The following PCDH7 variants were observed in gnomAD, a reference collection of about 807,000 sequenced individuals.
The protein encoded by PCDH7 is protocadherin-7.
In PCDH7, 17 loss-of-function variants were observed where a neutral mutation model predicts 58.9. That is an observed-to-expected ratio of 0.29 (90% CI 0.20 to 0.43). The LOEUF is 0.43. PCDH7 is among the 20% of genes least tolerant of loss of function. The probability of loss-of-function intolerance (pLI) is 1.00; values close to 1 mark genes in which losing one functional copy is unlikely to be tolerated. For synonymous variants in PCDH7, 664 were observed against 616.4 expected, an observed-to-expected ratio of 1.08 and a Z score of -1.14; for missense variants, 1,274 against 1,441.0, an observed-to-expected ratio of 0.88 and a Z score of 1.88.
intron 3 of PCDH7, among the ~76,000 whole-genome samples, chr4:30,968,998 A>G (rs141769437): frequency 6.6e-6 from 1 of 152,300 alleles, no homozygotes; most frequent in Non-Finnish European, 1.5e-5. Flanking sequence ...TAAAATTGTA[A>G]TCTTTTCTTC....
At chr4:30,887,577 A>G (rs915733904) in intron 1 of PCDH7, among the ~76,000 whole-genome samples, 6 of 152,198 alleles carry the variant, frequency 3.9e-5, no homozygotes, top group Non-Finnish European at 7.3e-5. Context: ...ATACATAAAA[A>G]ATACATTTCT....
chr4:30,993,949 G>A (rs1244126986), intron 3 of PCDH7, among the ~76,000 whole-genome samples: 1 of 151,810 alleles, frequency 6.6e-6, no homozygotes, highest in Non-Finnish European at 1.5e-5. Context: ...ACCAGAAAGG[G>A]AAAAAAATGC....
chr4:30,870,128 ATTGT>A (rs1383315173), intron 1 of PCDH7, among the ~76,000 whole-genome samples: 3 of 150,262 alleles, frequency 2.0e-5, no homozygotes, highest in Admixed American at 6.6e-5. Flanking sequence ...TTTTGAAGGG[ATTGT>A]TTGTTTTTTT....
intron 1 of PCDH7, among the ~76,000 whole-genome samples, chr4:30,881,699 C>T (rs922366842): frequency 6.6e-6 from 1 of 151,990 alleles, no homozygotes; most frequent in Non-Finnish European, 1.5e-5. Flanking sequence ...AATAAGACAC[C>T]ATCTGCTGCT....
intron 2 of PCDH7, among the ~76,000 whole-genome samples, chr4:30,942,640 T>A (rs1025509858): frequency 5.9e-5 from 9 of 152,056 alleles, no homozygotes; most frequent in African/African-American, 1.9e-4. Flanking sequence ...CTTAAAAAAA[T>A]TATTTTCTAG....
intron 3 of PCDH7, among the ~76,000 whole-genome samples, chr4:31,111,635 A>C (rs888208352): frequency 1.3e-5 from 2 of 152,320 alleles, no homozygotes; most frequent in Admixed American, 6.5e-5. Context: ...AACAACACTC[A>C]GAGGTACGGA....
intron 3 of PCDH7, among the ~76,000 whole-genome samples, chr4:31,014,704 T>C (rs1266604490): frequency 6.6e-6 from 1 of 152,246 alleles, no homozygotes; most frequent in Non-Finnish European, 1.5e-5. Context: ...ATATGTAATG[T>C]ATTCTATAAA....
chr4:30,813,382 C>A (rs1005269884), intron 1 of PCDH7, among the ~76,000 whole-genome samples: 4 of 152,102 alleles, frequency 2.6e-5, no homozygotes, highest in African/African-American at 9.7e-5. Flanking sequence ...TCTCCGGATC[C>A]TCCAAAATAA....
chr4:30,766,053 C>T (rs4380480), intron 1 of PCDH7, among the ~76,000 whole-genome samples: 83,378 of 151,076 alleles, frequency 0.55, 23,959 homozygotes, highest in African/African-American at 0.72. Context: ...TTAGATAAGA[C>T]GTCACAGGAA....
At chr4:30,986,694 C>A (rs1750996497) in intron 3 of PCDH7, among the ~76,000 whole-genome samples, 1 of 151,810 alleles carries the variant, frequency 6.6e-6, no homozygotes, top group African/African-American at 2.4e-5. Flanking sequence ...TTGAAAATGT[C>A]TTTATTGGCC....
At chr4:30,949,501 T>G (rs963892939) in intron 2 of PCDH7, among the ~76,000 whole-genome samples, 1 of 152,122 alleles carries the variant, frequency 6.6e-6, no homozygotes, top group African/African-American at 2.4e-5. Context: ...GTATACATAG[T>G]CCAGATTAAA....
At chr4:30,942,990 T>A (rs1746238015) in intron 2 of PCDH7, among the ~76,000 whole-genome samples, 1 of 152,010 alleles carries the variant, frequency 6.6e-6, no homozygotes, top group Non-Finnish European at 1.5e-5. Context: ...TACAGTTTGT[T>A]TTTCCTTTTT....
intron 1 of PCDH7, among the ~76,000 whole-genome samples, chr4:30,781,194 G>A (rs1180595604): frequency 6.6e-6 from 1 of 151,752 alleles, no homozygotes; most frequent in East Asian, 1.9e-4. Context: ...CTGATTGCTT[G>A]GCTATCCAAC....
At chr4:30,749,836 G>A (rs566907794) in intron 1 of PCDH7, among the ~76,000 whole-genome samples, 1 of 152,186 alleles carries the variant, frequency 6.6e-6, no homozygotes, top group African/African-American at 2.4e-5. Context: ...TTATGATTTT[G>A]GTTTTAAAAA....
In PCDH7 at chr4:30,898,300, G is replaced by C. The variant is rs34520014; in HGVS notation, c.71-21853G>C. ...CCGAAGGAGTTTAAGTGTAGGGCTG[G>C]CACTCACCCTTTCAGAGCCTTAGTT... On this transcript the variant is annotated intron_variant, in intron 1 of 3. Coordinates refer to the PCDH7 transcript ENST00000509759. 8.0e-3 allele frequency among the ~76,000 whole-genome samples: 1,213 copies of C among 152,232 alleles called. 13 individuals carry two copies. Among genetic ancestry groups the C allele is most frequent in the Non-Finnish European group, 0.014 (922 of 68,018 alleles).
At chr4:30,780,243 C>T (rs572100844) in intron 1 of PCDH7, among the ~76,000 whole-genome samples, 47 of 152,098 alleles carry the variant, frequency 3.1e-4, no homozygotes, top group Middle Eastern at 3.4e-3. Context: ...GGGTGGCTGA[C>T]GCCTGTAATC....
chr4:30,840,029 A>AGT (rs10687813), intron 1 of PCDH7, among the ~76,000 whole-genome samples: 55,938 of 148,492 alleles, frequency 0.38, 12,613 homozygotes, highest in African/African-American at 0.65. Flanking sequence ...AATGATGATG[A>AGT]GTGTGTGTGT....
chr4:31,125,901 T>G (rs1327101915), intron 3 of PCDH7, among the ~76,000 whole-genome samples: 2 of 152,178 alleles, frequency 1.3e-5, no homozygotes, highest in African/African-American at 2.4e-5. Flanking sequence ...AAGTCAAGAA[T>G]TATCTGTACA....
chr4:30,886,413 C>A (rs1737770516), intron 1 of PCDH7, among the ~76,000 whole-genome samples: 1 of 148,932 alleles, frequency 6.7e-6, no homozygotes, highest in Admixed American at 6.7e-5. Flanking sequence ...CAAATCAAAA[C>A]CACAATGAGA....
Sources: allele counts gnomAD v4.1 joint callset (sites outside exome capture counted in the v4.1 genomes callset), GRCh38; gene constraint gnomAD v4.1.1; transcripts MANE v1.5; gene names NCBI Gene and HGNC (gene_info 2026-07-23, HGNC 2026-07-21).